Variants in AGMO observed in about 807,000 individuals in gnomAD.
AGMO encodes the protein glyceryl-ether monooxygenase.
Under a neutral mutation model 60.2 loss-of-function variants are expected in AGMO, and 75 were observed. The ratio of observed to expected loss-of-function variants is 1.25; its 90% CI spans 1.03 to 1.51. The LOEUF (loss-of-function observed/expected upper bound fraction) is 1.51. AGMO is among the 40% of genes most tolerant of loss of function. The pLI, the probability that AGMO is intolerant of heterozygous loss-of-function variation, is 0.00. For missense variants in AGMO, 763 were observed against 525.5 expected (o/e 1.45, Z -4.42); for synonymous variants, 261 against 177.1 (o/e 1.47, Z -3.76).
chr7:15,227,987 C>T (rs1054914942), intron 12 of AGMO, among the ~76,000 whole-genome samples: 1 of 152,066 alleles, frequency 6.6e-6, no homozygotes, highest in African/African-American at 2.4e-5. Context: ...ATACTGACTG[C>T]CCATGTTGCT....
chr7:15,292,665 A>C (rs1784302552), intron 12 of AGMO, among the ~76,000 whole-genome samples: 1 of 151,982 alleles, frequency 6.6e-6, no homozygotes, highest in African/African-American at 2.4e-5. Context: ...AAAGAAAGAC[A>C]AAGAAGAATG....
chr7:15,433,180 C>A (rs902206905), intron 3 of AGMO, among the ~76,000 whole-genome samples: 1 of 152,096 alleles, frequency 6.6e-6, no homozygotes, highest in African/African-American at 2.4e-5. Flanking sequence ...ATGAGCTAAT[C>A]AGATGAGGTT....
At chr7:15,358,474 G>A (rs1458115103) in intron 12 of AGMO, 2 of 468,162 alleles carry the variant, frequency 4.3e-6, no homozygotes, top group African/African-American at 4.0e-5. Flanking sequence ...ACTAATTAAT[G>A]TTGGTACTCC....
At chr7:15,387,290 G>C (rs1583491128) in intron 9 of AGMO, 116 bp downstream of exon 9, 1 of 1,235,524 alleles carries the variant, frequency 8.1e-7, no homozygotes, top group Non-Finnish European at 1.1e-6. Flanking sequence ...GACTGCATCT[G>C]ACTGGGGGAA....
intron 10 of AGMO, among the ~76,000 whole-genome samples, chr7:15,371,363 G>A (rs1357428764): frequency 6.6e-6 from 1 of 151,704 alleles, no homozygotes; most frequent in Non-Finnish European, 1.5e-5. Context: ...TGGGACTACA[G>A]GCACATGCTA....
chr7:15,471,011 T>G (rs2128512501), intron 3 of AGMO, among the ~76,000 whole-genome samples: 1 of 152,062 alleles, frequency 6.6e-6, no homozygotes, highest in East Asian at 1.9e-4. Context: ...AATTAAGTAC[T>G]CATGGAGATA....
intron 12 of AGMO, among the ~76,000 whole-genome samples, chr7:15,323,931 G>C (rs1006489534): frequency 1.3e-5 from 2 of 152,188 alleles, no homozygotes; most frequent in African/African-American, 4.8e-5. Flanking sequence ...CTACCTCAGA[G>C]TAAGCCACAT....
intron 5 of AGMO, among the ~76,000 whole-genome samples, chr7:15,395,440 A>C (rs1247923114): frequency 6.6e-6 from 1 of 151,734 alleles, no homozygotes; most frequent in East Asian, 1.9e-4. Flanking sequence ...TTATAGGCAA[A>C]AAACAAAAAT....
At chr7:15,222,682 A>G (rs1171106311) in intron 12 of AGMO, among the ~76,000 whole-genome samples, 1 of 152,038 alleles carries the variant, frequency 6.6e-6, no homozygotes, top group African/African-American at 2.4e-5. Flanking sequence ...AGAAAAATGG[A>G]AAGTTTGGCA....
chr7:15,175,743 CTTTAA>C, the AGMO span, among the ~76,000 whole-genome samples: 1 of 151,738 alleles, frequency 6.6e-6, no homozygotes, highest in South Asian at 2.1e-4. Flanking sequence ...TGTTATATAA[CTTTAA>C]TTTACTTTAA....
intron 12 of AGMO, among the ~76,000 whole-genome samples, chr7:15,288,763 TG>T (rs1759342460): frequency 1.5e-5 from 2 of 137,906 alleles, no homozygotes; most frequent in African/African-American, 2.7e-5. Flanking sequence ...TAAATCATCC[TG>T]AAAAAAAAAA....
chr7:15,135,685 TTC>T, the AGMO span, among the ~76,000 whole-genome samples: 2 of 152,066 alleles, frequency 1.3e-5, no homozygotes, highest in Non-Finnish European at 2.9e-5. Flanking sequence ...TCTTAAATGT[TTC>T]TGTTTTAATT....
At chr7:15,441,323 G>T (rs1431493333) in intron 3 of AGMO, among the ~76,000 whole-genome samples, 1 of 152,148 alleles carries the variant, frequency 6.6e-6, no homozygotes. Context: ...AAATAATTAT[G>T]AATTTGACAA....
intron 12 of AGMO, among the ~76,000 whole-genome samples, chr7:15,229,208 T>A (rs1365932674): frequency 6.6e-6 from 1 of 152,020 alleles, no homozygotes; most frequent in Non-Finnish European, 1.5e-5. Context: ...GGACAACAAC[T>A]CTTCACTTTG....
intron 8 of AGMO, among the ~76,000 whole-genome samples, 183 bp downstream of exon 8, chr7:15,390,488 T>C (rs929628342): frequency 6.6e-6 from 1 of 152,236 alleles, no homozygotes; most frequent in Non-Finnish European, 1.5e-5. Context: ...TAAAATGTAT[T>C]TTGCCTGATT....
chr7:15,525,305 G>A (rs974542421), intron 3 of AGMO, among the ~76,000 whole-genome samples: 2 of 152,012 alleles, frequency 1.3e-5, no homozygotes, highest in African/African-American at 2.4e-5. Context: ...TCACAATCTT[G>A]GATAAATCTG....
At chr7:15,187,237 T>C in the AGMO span, among the ~76,000 whole-genome samples, 1 of 152,220 alleles carries the variant, frequency 6.6e-6, no homozygotes, top group Non-Finnish European at 1.5e-5. Flanking sequence ...AGAGTATCTA[T>C]GGTTTATTCT....
chr7:15,275,768 G>T (rs1041494081), intron 12 of AGMO, among the ~76,000 whole-genome samples: 2 of 151,990 alleles, frequency 1.3e-5, no homozygotes, highest in East Asian at 3.9e-4. Flanking sequence ...TTGTGCTATT[G>T]AACCATTTAT....
chr7:15,207,445 T>G (rs1007573263), intron 12 of AGMO, among the ~76,000 whole-genome samples: 3 of 152,226 alleles, frequency 2.0e-5, no homozygotes, highest in African/African-American at 7.2e-5. Context: ...AAATTGTCTT[T>G]GAATAACTAC....
Sources: allele counts gnomAD v4.1 joint callset (sites outside exome capture counted in the v4.1 genomes callset), GRCh38; gene constraint gnomAD v4.1.1; transcripts MANE v1.5; gene names NCBI Gene and HGNC (gene_info 2026-07-23, HGNC 2026-07-21).